Variants in ARL15 observed in about 807,000 individuals in gnomAD.
ARL15 encodes ADP-ribosylation factor-like protein 15.
ARL15 carries 19 observed loss-of-function variants against 25.2 expected under a neutral mutation model. The ratio of observed to expected loss-of-function variants is 0.75; its 90% CI spans 0.53 to 1.10. ARL15 has a LOEUF of 1.10. ARL15 is among the 50% of genes least tolerant of loss of function. ARL15 has a pLI of 0.00. For missense variants in ARL15, 220 were observed against 246.0 expected (o/e 0.89, Z 0.71); for synonymous variants, 94 against 86.8 (o/e 1.08, Z -0.46).
At chr5:54,152,218 C>T (rs943023441) in intron 3 of ARL15, among the ~76,000 whole-genome samples, 1 of 152,164 alleles carries the variant, frequency 6.6e-6, no homozygotes, top group Non-Finnish European at 1.5e-5. Context: ...CTCAGTCAAG[C>T]AACTCCCTCT....
At chr5:54,221,232 AG>A (rs746270423) in intron 1 of ARL15, among the ~76,000 whole-genome samples, 5 of 152,196 alleles carry the variant, frequency 3.3e-5, no homozygotes, top group African/African-American at 4.8e-5. Flanking sequence ...CATTTCACAC[AG>A]GTCAGAAGAC....
chr5:54,024,567 A>G (rs1260165863), intron 4 of ARL15, among the ~76,000 whole-genome samples: 1 of 152,192 alleles, frequency 6.6e-6, no homozygotes, highest in East Asian at 1.9e-4. Context: ...TTATGTCTCC[A>G]GGAATAAGAT....
chr5:54,026,468 C>T (rs1561193903), intron 4 of ARL15, among the ~76,000 whole-genome samples: 1 of 151,644 alleles, frequency 6.6e-6, no homozygotes, highest in Non-Finnish European at 1.5e-5. Context: ...TGGGGTCTCA[C>T]TATGTTGGCC....
chr5:54,211,522 G>A (rs951575533), intron 1 of ARL15, among the ~76,000 whole-genome samples: 6 of 145,204 alleles, frequency 4.1e-5, no homozygotes, highest in African/African-American at 7.7e-5. Flanking sequence ...CCAGGCTGGA[G>A]TGCAGTGGTG....
At chr5:53,955,758 T>G (rs2112131933) in intron 4 of ARL15, among the ~76,000 whole-genome samples, 1 of 152,310 alleles carries the variant, frequency 6.6e-6, no homozygotes, top group South Asian at 2.1e-4. Context: ...GGCAACAGTC[T>G]GGATTTCCAG....
chr5:54,140,269 A>C (rs1460092558), intron 3 of ARL15, among the ~76,000 whole-genome samples: 1 of 152,026 alleles, frequency 6.6e-6, no homozygotes, highest in South Asian at 2.1e-4. Flanking sequence ...AAAAAAAAAA[A>C]AACAAGGCAG....
chr5:53,944,618 AAAC>A (rs1375009057), intron 4 of ARL15, among the ~76,000 whole-genome samples: 1 of 151,980 alleles, frequency 6.6e-6, no homozygotes. Flanking sequence ...AACAAAAAAC[AAAC>A]AACAAACCTG....
chr5:54,005,492 C>A (rs553131322), intron 4 of ARL15, among the ~76,000 whole-genome samples: 14 of 152,172 alleles, frequency 9.2e-5, no homozygotes, highest in Admixed American at 9.2e-4. Context: ...GAGGCCAAGG[C>A]GGGTGGATCA....
chr5:54,303,248 ACAGT>A, intron 1 of ARL15, among the ~76,000 whole-genome samples: 1 of 152,162 alleles, frequency 6.6e-6, no homozygotes, highest in Non-Finnish European at 1.5e-5. Flanking sequence ...GGGGCTGGGC[ACAGT>A]GGCTCACGCC....
intron 2 of ARL15, among the ~76,000 whole-genome samples, chr5:54,161,994 CACAT>C (rs1438928326): frequency 2.6e-5 from 2 of 76,624 alleles, no homozygotes; most frequent in Non-Finnish European, 4.8e-5. Flanking sequence ...CTTACACACA[CACAT>C]ACACACACAC....
chr5:54,011,896 CTACTGGGG>C (rs1749253371), intron 4 of ARL15, among the ~76,000 whole-genome samples: 1 of 152,034 alleles, frequency 6.6e-6, no homozygotes, highest in South Asian at 2.1e-4. Context: ...GTAGTCCCAG[CTACTGGGG>C]AGGCTGTGGC....
chr5:54,263,365 G>C (rs1579962298), intron 1 of ARL15, among the ~76,000 whole-genome samples: 1 of 152,068 alleles, frequency 6.6e-6, no homozygotes, highest in Non-Finnish European at 1.5e-5. Context: ...ATAAAAGTAA[G>C]ACACAATGAA....
At position 54,137,799 on chromosome 5, in the gene ARL15, T is replaced by C. The variant is rs78435190; in HGVS notation, c.253+16781A>G. Among the ~76,000 whole-genome samples the C allele has an allele frequency of 2.3e-3, 346 of 152,284 alleles. 2 individuals are homozygous for C. Among genetic ancestry groups the C allele is most frequent in the Admixed American group, 8.3e-3 (127 of 15,304 alleles). ...TATTCCCAATGAAATTTAATGTGAATTTTAAATTGTATATTATAGTTGGGC... is the reference window on the plus strand; with the variant it reads ...TATTCCCAATGAAATTTAATGTGAACTTTAAATTGTATATTATAGTTGGGC... On this transcript the variant is annotated intron_variant, in intron 3 of 4. Coordinates refer to ENST00000504924, the MANE Select transcript of ARL15 (RefSeq NM_019087.3).
At chr5:53,909,760 A>T (rs1745392861) in intron 4 of ARL15, among the ~76,000 whole-genome samples, 1 of 152,178 alleles carries the variant, frequency 6.6e-6, no homozygotes, top group South Asian at 2.1e-4. Flanking sequence ...ACACATGAAC[A>T]CATCAAAAAG....
chr5:54,051,767 G>A (rs1245036797), intron 4 of ARL15, among the ~76,000 whole-genome samples: 2 of 152,118 alleles, frequency 1.3e-5, no homozygotes, highest in Non-Finnish European at 1.5e-5. Flanking sequence ...TTACAAATAC[G>A]ACCCAACAAT....
chr5:54,198,829 G>T (rs1335563775), intron 1 of ARL15, among the ~76,000 whole-genome samples: 3 of 151,598 alleles, frequency 2.0e-5, no homozygotes, highest in Non-Finnish European at 4.4e-5. Context: ...AAAAGAGCCC[G>T]CATCGCCAAG....
chr5:54,106,071 A>C (rs1168033154), intron 4 of ARL15, among the ~76,000 whole-genome samples: 7 of 152,192 alleles, frequency 4.6e-5, no homozygotes, highest in African/African-American at 7.2e-5. Context: ...GGGATTTTGG[A>C]AAGAGAATAG....
At position 54,196,401 on chromosome 5, in the gene ARL15, A is replaced by G. The variant is rs144225748; in HGVS notation, c.49-24473T>C. ...AACACTTACTCAGCCACATTTGCCA[A>G]ATCACCTAAAAAACTGGGCCACCTT... On this transcript the variant is annotated intron_variant, in intron 1 of 4. Coordinates refer to ENST00000504924, the MANE Select transcript of ARL15 (RefSeq NM_019087.3). Among the ~76,000 whole-genome samples, 160 of 152,202 alleles carry G rather than the reference A, an allele frequency of 1.1e-3. 1 individual carries two copies. The highest frequency in any genetic ancestry group is 3.8e-3 in the African/African-American group (156 of 41,538).
At position 54,268,650 on chromosome 5, in the gene ARL15, G is replaced by A. The variant is rs139062434; in HGVS notation, c.48+41782C>T. Among the ~76,000 whole-genome samples the A allele has an allele frequency of 6.2e-3, 951 of 152,212 alleles. 7 individuals carry two copies. The highest frequency in any genetic ancestry group is 0.022 in the African/African-American group (910 of 41,526). On this transcript the variant is annotated intron_variant, in intron 1 of 4. Coordinates refer to ENST00000504924, the MANE Select transcript of ARL15 (RefSeq NM_019087.3). ...TGATGTACAGATGGGTTTCATTGTG[G>A]AAGTCAGTGTGGTGATTCCTCAGGG...
Sources: gnomAD v4.1 joint callset for allele counts (sites outside exome capture counted in the v4.1 genomes callset) on GRCh38, gnomAD v4.1.1 for gene constraint, MANE v1.5 for transcripts, NCBI Gene and HGNC (gene_info 2026-07-23, HGNC 2026-07-21) for gene names.